Variants in EDIL3 observed in about 807,000 individuals in gnomAD.
EDIL3 encodes the protein EGF-like repeat and discoidin I-like domain-containing protein 3.
Under a neutral mutation model 67.4 loss-of-function variants are expected in EDIL3, and 37 were observed. The ratio of observed to expected loss-of-function variants is 0.55; its 90% CI spans 0.42 to 0.72. The LOEUF (loss-of-function observed/expected upper bound fraction) is 0.72. EDIL3 is among the 30% of genes least tolerant of loss of function. The pLI is 0.00. For synonymous variants in EDIL3, 195 were observed against 196.3 expected, an observed-to-expected ratio of 0.99 and a Z score of 0.05; for missense variants, 527 against 586.3, an observed-to-expected ratio of 0.90 and a Z score of 1.04.
At chr5:84,194,857 G>A (rs1011707102) in intron 3 of EDIL3, among the ~76,000 whole-genome samples, 3 of 151,854 alleles carry the variant, frequency 2.0e-5, no homozygotes, top group African/African-American at 7.2e-5. Flanking sequence ...TCATAAAACA[G>A]TAAGGTTTCC....
intron 4 of EDIL3, among the ~76,000 whole-genome samples, chr5:84,176,898 T>C (rs1320751609): frequency 6.6e-6 from 1 of 152,068 alleles, no homozygotes; most frequent in Non-Finnish European, 1.5e-5. Context: ...CATGCTACTT[T>C]CATTACCATA....
intron 1 of EDIL3, among the ~76,000 whole-genome samples, chr5:84,331,508 C>T (rs1459733861): frequency 6.6e-6 from 1 of 152,130 alleles, no homozygotes; most frequent in Non-Finnish European, 1.5e-5. Context: ...CCTGCCTTTG[C>T]TCTGCACTTC....
intron 9 of EDIL3, among the ~76,000 whole-genome samples, chr5:84,017,336 A>C (rs1656165696): frequency 6.6e-6 from 1 of 152,194 alleles, no homozygotes; most frequent in South Asian, 2.1e-4. Flanking sequence ...GAGAGGTTCC[A>C]CAATGTCAAT....
chr5:84,277,858 C>T (rs576868330), intron 1 of EDIL3, among the ~76,000 whole-genome samples: 148 of 151,866 alleles, frequency 9.7e-4, no homozygotes, highest in Admixed American at 1.4e-3. Flanking sequence ...AAAGTTAATA[C>T]GCATGATAAT....
chr5:84,310,339 C>T (rs1746359570), intron 1 of EDIL3, among the ~76,000 whole-genome samples: 1 of 152,018 alleles, frequency 6.6e-6, no homozygotes, highest in Admixed American at 6.6e-5. Context: ...TATTTTTACA[C>T]GTGGGGGGAG....
At chr5:84,343,518 A>G (rs575032157) in intron 1 of EDIL3, among the ~76,000 whole-genome samples, 1 of 152,092 alleles carries the variant, frequency 6.6e-6, no homozygotes, top group African/African-American at 2.4e-5. Context: ...CAGCTCATCC[A>G]TATTTGGGCA....
chr5:84,327,355 C>A (rs1242680300), intron 1 of EDIL3, among the ~76,000 whole-genome samples: 1 of 151,780 alleles, frequency 6.6e-6, no homozygotes, highest in Non-Finnish European at 1.5e-5. Flanking sequence ...ATTTTCCTTG[C>A]CAGAAATTCA....
intron 1 of EDIL3, among the ~76,000 whole-genome samples, chr5:84,381,879 T>C (rs1390815158): frequency 6.6e-6 from 1 of 152,204 alleles, no homozygotes; most frequent in East Asian, 1.9e-4. Flanking sequence ...GAGTTACATA[T>C]CCTTATCAAA....
At chr5:84,259,885 T>TTAAA (rs1745195324) in intron 1 of EDIL3, among the ~76,000 whole-genome samples, 1 of 152,146 alleles carries the variant, frequency 6.6e-6, no homozygotes, top group African/African-American at 2.4e-5. Context: ...CCGAAAAGCC[T>TTAAA]AAAATAGGTA....
chr5:84,310,342 G>T (rs2607356), intron 1 of EDIL3, among the ~76,000 whole-genome samples: 53,770 of 151,966 alleles, frequency 0.35, 10,768 homozygotes, highest in South Asian at 0.48. Flanking sequence ...TTTTACACGT[G>T]GGGGGAGGTT....
intron 1 of EDIL3, among the ~76,000 whole-genome samples, chr5:84,304,869 A>T (rs1253488569): frequency 6.6e-6 from 1 of 152,236 alleles, no homozygotes; most frequent in Non-Finnish European, 1.5e-5. Context: ...CTCACTTTAT[A>T]TGTGATGGCA....
intron 4 of EDIL3, among the ~76,000 whole-genome samples, chr5:84,148,697 G>C (rs954508483): frequency 6.6e-6 from 1 of 152,058 alleles, no homozygotes; most frequent in African/African-American, 2.4e-5. Context: ...GGCAGAGCTA[G>C]AGGCAACAAA....
intron 10 of EDIL3, among the ~76,000 whole-genome samples, chr5:83,952,780 A>C (rs147251005): frequency 6.6e-6 from 1 of 151,928 alleles, no homozygotes; most frequent in Non-Finnish European, 1.5e-5. Flanking sequence ...ATGATGTGGC[A>C]GTAGAGAAAT....
chr5:84,277,582 C>T (rs980660975), intron 1 of EDIL3, among the ~76,000 whole-genome samples: 4 of 152,150 alleles, frequency 2.6e-5, no homozygotes, highest in Middle Eastern at 3.2e-3. Flanking sequence ...ATACTGTTTA[C>T]TGCCTAACAT....
intron 3 of EDIL3, among the ~76,000 whole-genome samples, chr5:84,203,925 T>C (rs552309528): frequency 3.9e-5 from 6 of 152,224 alleles, no homozygotes; most frequent in Non-Finnish European, 4.4e-5. Context: ...TATATGTTTT[T>C]GCCAATCCTT....
In EDIL3 at chr5:84,384,446, C is replaced by A. The variant is rs1748180453; in HGVS notation, c.-72G>T. 6.7e-7 allele frequency: 1 copy of A among 1,495,500 alleles called. No homozygotes were observed. The highest frequency in any genetic ancestry group is 9.3e-7 in the Non-Finnish European group (1 of 1,078,672). The allele number at this position is 1,495,500 out of a possible 1,614,324, so 92.6% of individuals were successfully genotyped here. ...GAGGGCAGTGTAGCCGAGGTGGCAG[C>A]GCAGGGCAGCAGCAGACTCCGCCCC... On this transcript the variant is annotated 5_prime_UTR_variant, in exon 1 of 11. Coordinates refer to ENST00000296591, the MANE Select transcript of EDIL3 (RefSeq NM_005711.5).
chr5:83,962,341 T>G (rs1258756651), intron 10 of EDIL3, among the ~76,000 whole-genome samples: 1 of 151,422 alleles, frequency 6.6e-6, no homozygotes, highest in Admixed American at 6.6e-5. Flanking sequence ...TTCAGAAAGC[T>G]AGCATTCCTT....
At chr5:84,263,356 G>A (rs1156957980) in intron 1 of EDIL3, among the ~76,000 whole-genome samples, 1 of 152,190 alleles carries the variant, frequency 6.6e-6, no homozygotes, top group Non-Finnish European at 1.5e-5. Context: ...GTTCCTTGAT[G>A]ACCTAGATGA....
chr5:84,169,298 C>A (rs1748767857), intron 4 of EDIL3, among the ~76,000 whole-genome samples: 1 of 152,064 alleles, frequency 6.6e-6, no homozygotes, highest in Admixed American at 6.6e-5. Context: ...ATATTTTAAT[C>A]AGTTATCCTC....
Sources: gnomAD v4.1 joint callset for allele counts (sites outside exome capture counted in the v4.1 genomes callset) on GRCh38, gnomAD v4.1.1 for gene constraint, MANE v1.5 for transcripts, NCBI Gene and HGNC (gene_info 2026-07-23, HGNC 2026-07-21) for gene names.